The following BANF2 variants were observed in gnomAD, a reference collection of about 807,000 sequenced individuals.
The protein encoded by BANF2 is BANF family member 2, also known as barrier-to-autointegration factor-like protein.
In BANF2, 4 loss-of-function variants were observed where a neutral mutation model predicts 8.0. The observed-to-expected ratio is 0.50, with a 90% CI of 0.25 to 1.14. The LOEUF (loss-of-function observed/expected upper bound fraction) is 1.14, where lower values mean the gene tolerates loss of function less well. BANF2 is among the 50% of genes most tolerant of loss of function. The pLI is 0.16. For synonymous variants in BANF2, 50 were observed against 40.6 expected (o/e 1.23, Z -0.88); for missense variants, 96 against 107.5 (o/e 0.89, Z 0.47).
chr20:17,735,811 G>A lies in BANF2; in HGVS notation c.273G>A (p.Ter91=), dbSNP rs1418554825. 1.2e-6 allele frequency: 2 copies of A among 1,611,626 alleles called. No homozygotes were observed. The highest frequency in any genetic ancestry group is 1.7e-6 in the Non-Finnish European group (2 of 1,178,558). The part of the protein sequence containing the change: ...CLKEWCACFL[*] ...AGGAGTGGTGTGCCTGCTTCCTGTAGACACAAACCTCATTGCTGCCCCCCA... is the reference window on the plus strand; with the variant it reads ...AGGAGTGGTGTGCCTGCTTCCTGTAAACACAAACCTCATTGCTGCCCCCCA... Residue 91 remains the stop codon, a stop_retained_variant, in exon 4 of 4, where the codon TAG becomes TAA. Coordinates refer to ENST00000246090, the MANE Select transcript of BANF2 (RefSeq NM_178477.5).
intron 2 of BANF2, among the ~76,000 whole-genome samples, chr20:17,723,673 G>T (rs2037763138): frequency 6.6e-6 from 1 of 152,222 alleles, no homozygotes; most frequent in African/African-American, 2.4e-5. Context: ...CATTCAAGCG[G>T]ACAGCAGCAA....
At chr20:17,712,682 C>T in intron 1 of BANF2, 1 of 409,378 alleles carries the variant, frequency 2.4e-6, no homozygotes, top group African/African-American at 2.2e-5. Context: ...ATTCTCCCTT[C>T]CTGTCTTCTG....
At chr20:17,696,560 G>A (rs114302486), upstream of BANF2, among the ~76,000 whole-genome samples, 2,601 of 152,156 alleles carry the variant, frequency 0.017, 96 homozygotes, top group African/African-American at 0.06. Flanking sequence ...TAATAATGTC[G>A]AACATTTTTT....
At chr20:17,719,550 G>T (rs983620150) in intron 1 of BANF2, among the ~76,000 whole-genome samples, 4 of 152,152 alleles carry the variant, frequency 2.6e-5, no homozygotes, top group Non-Finnish European at 5.9e-5. Context: ...AGGGCATGGG[G>T]ATGGCATCAT....
upstream of BANF2, chr20:17,699,908 G>A (rs371637852): frequency 5.7e-6 from 5 of 872,286 alleles, no homozygotes; most frequent in African/African-American, 7.3e-5. Context: ...CCGACCTGTG[G>A]TGTGACATCA....
At chr20:17,722,285 C>A (rs1223840455) in intron 1 of BANF2, among the ~76,000 whole-genome samples, 1 of 152,236 alleles carries the variant, frequency 6.6e-6, no homozygotes, top group East Asian at 1.9e-4. Context: ...GTCTTTGATG[C>A]TGCTGATGCA....
At chr20:17,725,294 C>A in intron 3 of BANF2, 143 bp downstream of exon 3, 8 of 1,042,654 alleles carry the variant, frequency 7.7e-6, no homozygotes, top group East Asian at 2.5e-5. Context: ...CACATGCTTT[C>A]GTGCTATTGA....
At chr20:17,708,399 G>A (rs940330520) in intron 1 of BANF2, among the ~76,000 whole-genome samples, 2 of 152,188 alleles carry the variant, frequency 1.3e-5, no homozygotes, top group Non-Finnish European at 2.9e-5. Flanking sequence ...ACAGCATTAT[G>A]AATATTTGAA....
In BANF2 at chr20:17,735,720, A is replaced by G; in HGVS notation, c.182A>G (p.Gln61Arg). ...ATGCACAAGAATGAAGCCGAGTTTC[A>G]GAGGTGGCTCATTTGCTGTTTTGGT... The part of the protein sequence containing the change: ...LLMHKNEAEF[Q>R]RWLICCFGAT... The change falls in exon 4 of 4, where the codon CAG becomes CGG. Residue 61 changes from glutamine to arginine, a missense_variant. Coordinates refer to ENST00000246090, the MANE Select transcript of BANF2 (RefSeq NM_178477.5). The G allele has an allele frequency of 6.2e-7, 1 of 1,613,872 alleles. No individual in the cohort carries two copies. The highest frequency in any genetic ancestry group is 8.5e-7 in the Non-Finnish European group (1 of 1,179,744).
rs1335805354 is a variant in BANF2 at position 17,700,730 on chromosome 20, T to C, written c.-167+675T>C. On this transcript the variant is annotated intron_variant, in intron 1 of 3. Transcript: ENST00000246090. ...GGCCAAAGCCATCTCTCAAAGAGGATGCTGGCTCTTTCCATATGGGCCACC... is the reference window on the plus strand; with the variant it reads ...GGCCAAAGCCATCTCTCAAAGAGGACGCTGGCTCTTTCCATATGGGCCACC... 2.0e-5 allele frequency among the ~76,000 whole-genome samples: 3 copies of C among 152,186 alleles called. No homozygotes were observed. In the East Asian group the frequency reaches 5.8e-4, roughly 29 times the overall value.
At chr20:17,698,227 T>C (rs1600208481), upstream of BANF2, among the ~76,000 whole-genome samples, 1 of 147,440 alleles carries the variant, frequency 6.8e-6, no homozygotes, top group East Asian at 2.0e-4. Flanking sequence ...AAAATAATAA[T>C]AAAAAAAAAA....
upstream of BANF2, among the ~76,000 whole-genome samples, chr20:17,697,899 G>A (rs540591619): frequency 2.0e-5 from 3 of 152,228 alleles, no homozygotes; most frequent in South Asian, 4.1e-4. Context: ...GTGAGAGCTG[G>A]CTGTTTAAAA....
intron 1 of BANF2, among the ~76,000 whole-genome samples, chr20:17,720,099 G>A (rs755571967): frequency 3.9e-5 from 6 of 152,072 alleles, no homozygotes; most frequent in Non-Finnish European, 5.9e-5. Flanking sequence ...TTTGTAACTC[G>A]CCCCATGTGA....
At chr20:17,693,893 C>T (rs1422327757) in intron 1 of BANF2, among the ~76,000 whole-genome samples, 1 of 152,218 alleles carries the variant, frequency 6.6e-6, no homozygotes, top group Non-Finnish European at 1.5e-5. Context: ...CGCATCTTCA[C>T]ACCACGGTGG....
upstream of BANF2, among the ~76,000 whole-genome samples, chr20:17,697,925 C>T (rs2037362270): frequency 6.6e-6 from 1 of 152,038 alleles, no homozygotes; most frequent in South Asian, 2.1e-4. Flanking sequence ...TGGTACCCGG[C>T]CGGGTACGGT....
intron 1 of BANF2, among the ~76,000 whole-genome samples, chr20:17,694,885 G>A (rs1026725410): frequency 1.3e-5 from 2 of 151,942 alleles, no homozygotes; most frequent in Admixed American, 6.6e-5. Context: ...GCCTCCCAAA[G>A]TGCTGGGCTT....
intron 3 of BANF2, among the ~76,000 whole-genome samples, chr20:17,727,179 C>T (rs192935227): frequency 7.2e-5 from 11 of 152,250 alleles, no homozygotes; most frequent in Admixed American, 1.3e-4. Context: ...GCTGTGGGGA[C>T]GGTTTGTCTG....
chr20:17,708,016 A>G (rs1600215116), intron 1 of BANF2, among the ~76,000 whole-genome samples: 1 of 149,050 alleles, frequency 6.7e-6, no homozygotes, highest in East Asian at 2.1e-4. Context: ...AGCCTGGCCA[A>G]CATGGTGAAA....
At chr20:17,697,009 G>A (rs2037351552), upstream of BANF2, among the ~76,000 whole-genome samples, 1 of 152,096 alleles carries the variant, frequency 6.6e-6, no homozygotes, top group Non-Finnish European at 1.5e-5. Context: ...GAAGGAGTTA[G>A]GGTGGAAACT....
Sources: allele counts gnomAD v4.1 joint callset (sites outside exome capture counted in the v4.1 genomes callset), GRCh38; gene constraint gnomAD v4.1.1; transcripts MANE v1.5; gene names NCBI Gene and HGNC (gene_info 2026-07-23, HGNC 2026-07-21).